The following SCAF8 variants were observed in gnomAD, a reference collection of about 807,000 sequenced individuals.
SCAF8 encodes SR-related and CTD-associated factor 8.
In SCAF8, 23 loss-of-function variants were observed where a neutral mutation model predicts 140.5. The observed-to-expected ratio is 0.16, with a 90% CI of 0.12 to 0.23. The LOEUF is 0.23. Ranked by LOEUF, SCAF8 falls within the 10% of genes least tolerant of loss-of-function variation. The pLI is 1.00. For synonymous variants in SCAF8, 575 were observed against 528.9 expected, an observed-to-expected ratio of 1.09 and a Z score of -1.20; for missense variants, 1,397 against 1,555.7, an observed-to-expected ratio of 0.90 and a Z score of 1.72.
intron 1 of SCAF8, among the ~76,000 whole-genome samples, chr6:154,764,880 A>G (rs759947079): frequency 6.6e-6 from 1 of 152,210 alleles, no homozygotes; most frequent in African/African-American, 2.4e-5. Flanking sequence ...AACATTCCCA[A>G]TTCTTGGAGG....
intron 6 of SCAF8, among the ~76,000 whole-genome samples, chr6:154,798,131 C>T (rs1484202178): frequency 6.6e-6 from 1 of 151,164 alleles, no homozygotes; most frequent in Non-Finnish European, 1.5e-5. Flanking sequence ...CATTCTCGGG[C>T]CTCTGGAAGC....
At chr6:154,756,643 A>G (rs1778973071) in intron 1 of SCAF8, among the ~76,000 whole-genome samples, 1 of 152,224 alleles carries the variant, frequency 6.6e-6, no homozygotes, top group African/African-American at 2.4e-5. Context: ...TAACTCTCAA[A>G]TTTATACATT....
At chr6:154,768,927 G>A (rs1776657891) in intron 1 of SCAF8, among the ~76,000 whole-genome samples, 1 of 152,016 alleles carries the variant, frequency 6.6e-6, no homozygotes, top group South Asian at 2.1e-4. Context: ...GCCCAGTGTG[G>A]TGGTGTGCAC....
intron 3 of SCAF8, among the ~76,000 whole-genome samples, chr6:154,784,120 G>GATATATATGTGT (rs1554260630): frequency 9.4e-6 from 1 of 106,886 alleles, no homozygotes; most frequent in Admixed American, 1.1e-4. Flanking sequence ...GGTGTCTTGA[G>GATATATATGTGT]ATATATATAT....
intron 17 of SCAF8, among the ~76,000 whole-genome samples, chr6:154,826,826 A>G (rs1205737424): frequency 6.6e-6 from 1 of 152,148 alleles, no homozygotes; most frequent in Non-Finnish European, 1.5e-5. Flanking sequence ...ATTTTGATCT[A>G]GTGAGTAAAC....
intron 1 of SCAF8, among the ~76,000 whole-genome samples, chr6:154,770,788 A>G (rs192232576): frequency 1.7e-4 from 26 of 152,278 alleles, no homozygotes; most frequent in African/African-American, 5.1e-4. Flanking sequence ...CTCTGTCACC[A>G]TGCTGGAGTG....
chr6:154,783,785 T>C (rs1181208701), intron 3 of SCAF8, among the ~76,000 whole-genome samples: 1 of 152,112 alleles, frequency 6.6e-6, no homozygotes, highest in African/African-American at 2.4e-5. Context: ...AGATGGCTGT[T>C]AGCTAGGTGC....
At chr6:154,768,400 G>A (rs1328024431) in intron 1 of SCAF8, among the ~76,000 whole-genome samples, 1 of 152,162 alleles carries the variant, frequency 6.6e-6, no homozygotes, top group Non-Finnish European at 1.5e-5. Flanking sequence ...ACTATGATAT[G>A]CAATTTATTA....
intron 1 of SCAF8, among the ~76,000 whole-genome samples, chr6:154,755,529 A>G (rs7752071): frequency 0.6 from 91,832 of 151,994 alleles, 30,412 homozygotes; most frequent in East Asian, 0.91. Context: ...GGGATGCCTG[A>G]CCCAGATTAT....
chr6:154,796,353 T>TTCCGTCTCTCTC (rs772760237), intron 6 of SCAF8, among the ~76,000 whole-genome samples: 2 of 75,198 alleles, frequency 2.7e-5, no homozygotes, highest in African/African-American at 1.6e-4. Flanking sequence ...TGCAATCCTG[T>TTCCGTCTCTCTC]TCTCTCTCTC....
At chr6:154,745,902 CAG>C (rs915754803) in intron 1 of SCAF8, among the ~76,000 whole-genome samples, 4 of 152,016 alleles carry the variant, frequency 2.6e-5, no homozygotes, top group East Asian at 1.9e-4. Context: ...TATTTGGCGA[CAG>C]AGTCTCACTC....
At chr6:154,798,954 A>G (rs940906065) in intron 6 of SCAF8, among the ~76,000 whole-genome samples, 1 of 150,912 alleles carries the variant, frequency 6.6e-6, no homozygotes, top group Non-Finnish European at 1.5e-5. Context: ...TGTAGCCAGC[A>G]TGCCTGGTTA....
At chr6:154,755,244 T>G (rs964225854) in intron 1 of SCAF8, among the ~76,000 whole-genome samples, 1 of 152,116 alleles carries the variant, frequency 6.6e-6, no homozygotes, top group Non-Finnish European at 1.5e-5. Context: ...ACTAGGTATT[T>G]TAGATTATTA....
intron 11 of SCAF8, 47 bp from the exon 12 acceptor site, chr6:154,809,968 T>C (rs1778041094): frequency 3.4e-6 from 5 of 1,467,378 alleles, no homozygotes. Flanking sequence ...ACAGATTTGG[T>C]AGAAAGAAAA....
At chr6:154,756,941 T>A (rs1410079957) in intron 1 of SCAF8, among the ~76,000 whole-genome samples, 1 of 152,136 alleles carries the variant, frequency 6.6e-6, no homozygotes, top group Non-Finnish European at 1.5e-5. Context: ...GGTGGATCGC[T>A]TGAGCCTGGG....
rs10485353 is a variant in SCAF8 at position 154,803,481 on chromosome 6, A to T, written c.784-63A>T. The T allele has an allele frequency of 3.4e-3, 3,806 of 1,103,254 alleles. 92 individuals are homozygous for T. In the African/African-American group the frequency reaches 0.051, roughly 15 times the overall value. 68.3% of individuals were successfully genotyped at this position (1,103,254 alleles called of 1,614,324 possible). ...GAATGCCATTGACATTTAAAATAGC[A>T]TTTGTAACTTGTATTTGTGTGAAGC... On this transcript the variant is annotated intron_variant, in intron 7 of 19. Transcript: ENST00000367178.
At chr6:154,824,678 C>T (rs1339687272) in intron 17 of SCAF8, among the ~76,000 whole-genome samples, 4 of 152,156 alleles carry the variant, frequency 2.6e-5, no homozygotes, top group African/African-American at 9.7e-5. Context: ...CATGGTGGCT[C>T]ACATCTGTAA....
At chr6:154,817,157 A>G (rs931994297) in intron 13 of SCAF8, among the ~76,000 whole-genome samples, 1 of 152,180 alleles carries the variant, frequency 6.6e-6, no homozygotes. Context: ...GCTGCATATC[A>G]GTAATATGTC....
At chr6:154,757,942 A>G (rs901568013) in intron 1 of SCAF8, among the ~76,000 whole-genome samples, 7 of 132,052 alleles carry the variant, frequency 5.3e-5, no homozygotes, top group Non-Finnish European at 1.1e-4. Flanking sequence ...TTGGAGTCTC[A>G]CTCTGTCATC....
Sources: allele counts gnomAD v4.1 joint callset (sites outside exome capture counted in the v4.1 genomes callset), GRCh38; gene constraint gnomAD v4.1.1; transcripts MANE v1.5; gene names NCBI Gene and HGNC (gene_info 2026-07-23, HGNC 2026-07-21).